CHURC1: variants seen among roughly 807,000 people sequenced by gnomAD.
The protein encoded by CHURC1 is churchill domain containing 1.
CHURC1 carries 12 observed loss-of-function variants against 15.4 expected under a neutral mutation model. The ratio of observed to expected loss-of-function variants is 0.78; its 90% CI spans 0.50 to 1.27. CHURC1 has a LOEUF of 1.27. CHURC1 is among the 50% of genes most tolerant of loss of function. The pLI is 0.00. For synonymous variants in CHURC1, 42 were observed against 47.5 expected (o/e 0.88, Z 0.48); for missense variants, 132 against 137.8 (o/e 0.96, Z 0.21).
Position 64,934,959 on chromosome 14 carries a change from C to G in CHURC1, c.*2729C>G. ...GTGATATTTTATCATTTTCTAGATT[C>G]TTATGTGGATCTAATAACGACCACT... is the stretch of plus-strand genomic sequence containing the variant. On this transcript the variant is annotated 3_prime_UTR_variant, in exon 4 of 4. Transcript: ENST00000549115. 8 of 984,360 alleles carry G rather than the reference C, an allele frequency of 8.1e-6. No individual in the cohort carries two copies. The highest frequency in any genetic ancestry group is 2.3e-4 in the East Asian group (2 of 8,818). 61.0% of individuals were successfully genotyped at this position (984,360 alleles called of 1,614,324 possible).
Position 64,926,066 on chromosome 14 carries a change from A to T in CHURC1, c.232A>T (p.Met78Leu). 2 of 1,596,570 alleles carry T rather than the reference A, an allele frequency of 1.3e-6. No homozygotes were observed. The highest frequency in any genetic ancestry group is 2.7e-5 in the African/African-American group (2 of 74,378). Residue 78 changes from methionine to leucine, a missense_variant, in exon 3 of 4, where the codon ATG becomes TTG. By Grantham distance (15) the Met-to-Leu change is conservative. Coordinates refer to ENST00000549115, the MANE Select transcript of CHURC1 (RefSeq NM_001386928.1). The part of the protein sequence containing the change: ...IARHEYTFSI[M>L]DEFQEYTMLC... ...CAGACATGAGTATACATTCAGTATCATGGATGAATTTCAGGTAAATATAAA... is the reference window on the plus strand; with the variant it reads ...CAGACATGAGTATACATTCAGTATCTTGGATGAATTTCAGGTAAATATAAA...
chr14:64,929,162 T>C (rs1485538009), intron 3 of CHURC1, among the ~76,000 whole-genome samples: 1 of 152,104 alleles, frequency 6.6e-6, no homozygotes, highest in Non-Finnish European at 1.5e-5. Flanking sequence ...CATCCTCCAC[T>C]CCCCTGCTGA....
chr14:64,921,892 T>C (rs1246288961), intron 1 of CHURC1, among the ~76,000 whole-genome samples: 3 of 152,280 alleles, frequency 2.0e-5, no homozygotes, highest in East Asian at 3.9e-4. Flanking sequence ...AACCCAAATA[T>C]CTACCAACAG....
At position 64,925,891 on chromosome 14, in the gene CHURC1, T is replaced by C. The variant is rs1884663881; in HGVS notation, c.176-119T>C. On this transcript the variant is annotated intron_variant, in intron 2 of 3. Coordinates refer to ENST00000549115, the MANE Select transcript of CHURC1 (RefSeq NM_001386928.1). ...AGATACTATAATGGGTTTCCTCCTA[T>C]GTTAAATATGACAGACTTAAGATTC... 2.5e-5 allele frequency: 16 copies of C among 639,674 alleles called. No individual in the cohort carries two copies. In the East Asian group the frequency reaches 4.7e-4, roughly 19 times the overall value. The allele number at this position is 639,674 out of a possible 1,614,324, so 39.6% of individuals were successfully genotyped here. A position where few individuals can be genotyped will look rare whatever the true frequency, so the allele number is the denominator to read the frequency against.
chr14:64,923,848 A>G, intron 1 of CHURC1, 143 bp from the exon 2 acceptor site: 1 of 767,978 alleles, frequency 1.3e-6, no homozygotes, highest in Non-Finnish European at 1.8e-6. Context: ...AGTAATTTCA[A>G]AAATTATTTG....
Position 64,922,351 on chromosome 14 carries a change from G to A in CHURC1, c.40-1640G>A, listed in dbSNP as rs1414999420. 4.6e-5 allele frequency among the ~76,000 whole-genome samples: 7 copies of A among 151,972 alleles called. No individual in the cohort carries two copies. The East Asian group carries it at 1.4e-3, about 29-fold the overall frequency. On this transcript the variant is annotated intron_variant, in intron 1 of 3. Transcript: ENST00000549115. ...CCCAGCACTTTGGGAGGCCGAGACG[G>A]GCAGATCACGAGGTCAGGAGATCGA...
At chr14:64,923,550 A>C (rs1351134267) in intron 1 of CHURC1, among the ~76,000 whole-genome samples, 1 of 152,108 alleles carries the variant, frequency 6.6e-6, no homozygotes, top group Non-Finnish European at 1.5e-5. Context: ...AAACAACTAA[A>C]CATCTATGTA....
At chr14:64,919,133 AAGCATTT>A (rs1884097328) in intron 1 of CHURC1, among the ~76,000 whole-genome samples, 1 of 152,196 alleles carries the variant, frequency 6.6e-6, no homozygotes, top group African/African-American at 2.4e-5. Flanking sequence ...TCCTTCAGAA[AAGCATTT>A]AGCAAACCAG....
At chr14:64,923,897 T>G in intron 1 of CHURC1, 94 bp from the exon 2 acceptor site, 2 of 1,279,666 alleles carry the variant, frequency 1.6e-6, no homozygotes, top group Non-Finnish European at 1.0e-6. Flanking sequence ...ATTTTTTAGT[T>G]TTGTTTTGCC....
At chr14:64,923,787 C>CTTTTTTTTTTT (rs60825476) in intron 1 of CHURC1, among the ~76,000 whole-genome samples, 5 of 77,036 alleles carry the variant, frequency 6.5e-5, no homozygotes, top group African/African-American at 9.6e-5. Flanking sequence ...ACTTTAGTTG[C>CTTTTTTTTTTT]TTTTTTTTTT....
At chr14:64,918,754 A>T (rs867878118) in intron 1 of CHURC1, among the ~76,000 whole-genome samples, 4 of 152,178 alleles carry the variant, frequency 2.6e-5, no homozygotes, top group South Asian at 4.1e-4. Flanking sequence ...GATTCCCTCA[A>T]CCCAGGAGTT....
At chr14:64,915,264 C>T (rs1251110242) in intron 1 of CHURC1, among the ~76,000 whole-genome samples, 1 of 152,236 alleles carries the variant, frequency 6.6e-6, no homozygotes, top group African/African-American at 2.4e-5. Flanking sequence ...TCCGAAAGTG[C>T]TGGGATTACT....
intron 1 of CHURC1, among the ~76,000 whole-genome samples, chr14:64,922,517 G>T (rs1030951280): frequency 2.0e-5 from 3 of 146,470 alleles, no homozygotes; most frequent in African/African-American, 5.2e-5. Context: ...GGTGGAGCTT[G>T]CAGTGAGCCG....
chr14:64,926,593 A>G (rs1055789820), intron 3 of CHURC1, among the ~76,000 whole-genome samples: 1 of 152,202 alleles, frequency 6.6e-6, no homozygotes, highest in Non-Finnish European at 1.5e-5. Flanking sequence ...TGTCCTGTCA[A>G]CTGCCACCAT....
chr14:64,932,075 G>C, intron 3 of CHURC1, 63 bp from the exon 4 acceptor site: 2 of 1,562,854 alleles, frequency 1.3e-6, no homozygotes, highest in Non-Finnish European at 8.7e-7. Flanking sequence ...CTTAACTAGA[G>C]TAAGTTATAA....
At chr14:64,928,374 A>G (rs896248025) in intron 3 of CHURC1, among the ~76,000 whole-genome samples, 2 of 152,150 alleles carry the variant, frequency 1.3e-5, no homozygotes, top group Non-Finnish European at 2.9e-5. Context: ...CAACCCCTCG[A>G]GTAGCTGAGA....
chr14:64,915,056 T>C (rs1883772539), intron 1 of CHURC1, among the ~76,000 whole-genome samples: 1 of 152,252 alleles, frequency 6.6e-6, no homozygotes, highest in Non-Finnish European at 1.5e-5. Context: ...GAATCTCAGT[T>C]ACTTTCAGGT....
intron 1 of CHURC1, among the ~76,000 whole-genome samples, chr14:64,915,853 G>C (rs143097760): frequency 3.9e-5 from 6 of 152,312 alleles, no homozygotes; most frequent in South Asian, 2.1e-4. Flanking sequence ...CATTAGAATG[G>C]AACACCATTA....
At chr14:64,926,916 C>G (rs2147612) in intron 3 of CHURC1, among the ~76,000 whole-genome samples, 70,719 of 152,042 alleles carry the variant, frequency 0.47, 20,442 homozygotes, top group African/African-American at 0.81. Context: ...GCTGGGCAGT[C>G]GGGGAGAGCC....
Sources: gnomAD v4.1 joint callset for allele counts (sites outside exome capture counted in the v4.1 genomes callset) on GRCh38, gnomAD v4.1.1 for gene constraint, MANE v1.5 for transcripts, NCBI Gene and HGNC (gene_info 2026-07-23, HGNC 2026-07-21) for gene names.